CSMD1: variants seen among roughly 807,000 people sequenced by gnomAD.
CSMD1 encodes CUB and sushi domain-containing protein 1.
In CSMD1, 213 loss-of-function variants were observed where a neutral mutation model predicts 417.5. The observed-to-expected ratio is 0.51, with a 90% CI of 0.46 to 0.57. CSMD1 has a LOEUF of 0.57. Among genes scored for constraint, CSMD1 ranks in the 20% least tolerant of loss-of-function variants. The pLI, the probability that CSMD1 is intolerant of heterozygous loss-of-function variation, is 0.00. For missense variants in CSMD1, 6,923 were observed against 4,529.7 expected, an observed-to-expected ratio of 1.53 and a Z score of -15.17; for synonymous variants, 2,862 against 1,736.8, an observed-to-expected ratio of 1.65 and a Z score of -16.11.
At chr8:4,005,560 C>G (rs905486639) in intron 4 of CSMD1, among the ~76,000 whole-genome samples, 3 of 152,180 alleles carry the variant, frequency 2.0e-5, no homozygotes, top group African/African-American at 7.2e-5. Flanking sequence ...TCTGAATTGT[C>G]TTTTATTGTG....
At chr8:3,016,085 T>C (rs1405250039) in intron 52 of CSMD1, among the ~76,000 whole-genome samples, 1 of 152,234 alleles carries the variant, frequency 6.6e-6, no homozygotes, top group Non-Finnish European at 1.5e-5. Flanking sequence ...TTCTTTCTTA[T>C]CTGCAGGTCG....
At chr8:4,377,072 T>G (rs969739217) in intron 3 of CSMD1, among the ~76,000 whole-genome samples, 22 of 152,222 alleles carry the variant, frequency 1.4e-4, no homozygotes, top group Non-Finnish European at 3.2e-4. Context: ...TTGCTTCTGT[T>G]GCTTTCATAC....
chr8:4,202,286 T>TA (rs913855141), intron 3 of CSMD1, among the ~76,000 whole-genome samples: 2 of 152,098 alleles, frequency 1.3e-5, no homozygotes, highest in African/African-American at 4.8e-5. Context: ...GATTATGCTT[T>TA]AAAAAAATGA....
intron 2 of CSMD1, among the ~76,000 whole-genome samples, chr8:4,457,101 T>C (rs1424943986): frequency 6.6e-6 from 1 of 151,858 alleles, no homozygotes; most frequent in Non-Finnish European, 1.5e-5. Context: ...ATAATATGAC[T>C]ATCGATGTGT....
chr8:4,122,578 C>T (rs561184295), intron 3 of CSMD1, among the ~76,000 whole-genome samples: 7 of 152,142 alleles, frequency 4.6e-5, no homozygotes, highest in African/African-American at 9.7e-5. Flanking sequence ...TGGAGGACAT[C>T]GCATGCCCTA....
At chr8:3,632,386 C>G (rs900396170) in intron 7 of CSMD1, among the ~76,000 whole-genome samples, 1 of 151,994 alleles carries the variant, frequency 6.6e-6, no homozygotes, top group African/African-American at 2.4e-5. Flanking sequence ...CTTATTGAAT[C>G]AAAATTAAAG....
intron 3 of CSMD1, among the ~76,000 whole-genome samples, chr8:4,049,490 A>G (rs1798312590): frequency 6.7e-6 from 1 of 149,656 alleles, no homozygotes; most frequent in African/African-American, 2.5e-5. Flanking sequence ...GCATATTTGA[A>G]TCCCCTTTTT....
chr8:3,652,164 C>T (rs548412100), intron 7 of CSMD1, among the ~76,000 whole-genome samples: 7 of 139,242 alleles, frequency 5.0e-5, no homozygotes, highest in Non-Finnish European at 9.3e-5. Context: ...ACCATCAGAG[C>T]GCTTACCACC....
At chr8:4,831,475 C>A (rs1585176400) in intron 1 of CSMD1, among the ~76,000 whole-genome samples, 1 of 152,158 alleles carries the variant, frequency 6.6e-6, no homozygotes, top group Non-Finnish European at 1.5e-5. Context: ...TTTACACTAT[C>A]ATCTTAGAGT....
intron 5 of CSMD1, 29 bp from the exon 6 acceptor site, chr8:3,754,071 C>A (rs779505716): frequency 4.8e-6 from 7 of 1,463,784 alleles, no homozygotes; most frequent in Non-Finnish European, 6.7e-6. Context: ...AAAAAAATCT[C>A]CCTTGTAAAC....
intron 3 of CSMD1, among the ~76,000 whole-genome samples, chr8:4,130,664 TG>T (rs1405464520): frequency 6.6e-6 from 1 of 152,178 alleles, no homozygotes; most frequent in Non-Finnish European, 1.5e-5. Flanking sequence ...GTAATCATTT[TG>T]TGATTATAAT....
intron 3 of CSMD1, among the ~76,000 whole-genome samples, chr8:4,173,538 A>C (rs73510820): frequency 0.12 from 18,126 of 152,116 alleles, 2,274 homozygotes; most frequent in African/African-American, 0.32. Context: ...CTTGTGGTTT[A>C]CAAGAAAGGA....
chr8:3,328,587 G>A (rs953474734), intron 23 of CSMD1, among the ~76,000 whole-genome samples: 20 of 152,106 alleles, frequency 1.3e-4, no homozygotes, highest in Admixed American at 3.3e-4. Flanking sequence ...AATCCAAGTC[G>A]CTCCAATGTA....
chr8:4,475,153 C>G (rs1175840497), intron 2 of CSMD1, among the ~76,000 whole-genome samples: 3 of 152,054 alleles, frequency 2.0e-5, no homozygotes, highest in Admixed American at 6.5e-5. Flanking sequence ...ATTAAGCAAG[C>G]CTATTGATAT....
chr8:3,034,121 A>G (rs1810516861), intron 50 of CSMD1, among the ~76,000 whole-genome samples: 1 of 152,224 alleles, frequency 6.6e-6, no homozygotes, highest in Non-Finnish European at 1.5e-5. Flanking sequence ...AGGCTGCCTG[A>G]TTGATACACC....
chr8:4,370,458 G>C (rs553661803), intron 3 of CSMD1, among the ~76,000 whole-genome samples: 7 of 152,204 alleles, frequency 4.6e-5, no homozygotes, highest in African/African-American at 1.7e-4. Flanking sequence ...GAGATTCTCT[G>C]AATTTCTTGC....
chr8:3,239,711 C>A (rs1799373494), intron 26 of CSMD1, among the ~76,000 whole-genome samples: 1 of 152,196 alleles, frequency 6.6e-6, no homozygotes, highest in African/African-American at 2.4e-5. Flanking sequence ...ATAGCATAGC[C>A]TGCCTTTGCT....
chr8:4,843,932 C>G (rs1800984279), intron 1 of CSMD1, among the ~76,000 whole-genome samples: 1 of 152,098 alleles, frequency 6.6e-6, no homozygotes, highest in Non-Finnish European at 1.5e-5. Context: ...AGTTCAGAAG[C>G]TAAGATAGAG....
intron 5 of CSMD1, among the ~76,000 whole-genome samples, chr8:3,854,075 ATATAC>A (rs1321807509): frequency 1.4e-5 from 2 of 146,460 alleles, no homozygotes; most frequent in African/African-American, 4.9e-5. Flanking sequence ...TTAGCATATA[ATATAC>A]TAAAGAAAAA....
Sources: allele counts gnomAD v4.1 joint callset (sites outside exome capture counted in the v4.1 genomes callset), GRCh38; gene constraint gnomAD v4.1.1; transcripts MANE v1.5; gene names NCBI Gene and HGNC (gene_info 2026-07-23, HGNC 2026-07-21).